Variants in ATRNL1 observed in about 807,000 individuals in gnomAD.
The protein encoded by ATRNL1 is attractin-like protein 1.
Under a neutral mutation model 182.7 loss-of-function variants are expected in ATRNL1, and 95 were observed. The observed-to-expected ratio is 0.52, with a 90% CI of 0.44 to 0.62. The LOEUF (loss-of-function observed/expected upper bound fraction) is 0.62. ATRNL1 is among the 20% of genes least tolerant of loss of function. The pLI is 0.00. For synonymous variants in ATRNL1, 576 were observed against 568.3 expected (o/e 1.01, Z -0.19); for missense variants, 1,471 against 1,679.5 (o/e 0.88, Z 2.17).
At chr10:115,828,710 C>A (rs115353060) in intron 27 of ATRNL1, among the ~76,000 whole-genome samples, 2,463 of 152,096 alleles carry the variant, frequency 0.016, 81 homozygotes, top group African/African-American at 0.057. Context: ...TTTCAGTGGC[C>A]TAGGGGGAGT....
chr10:115,798,689 T>G lies in ATRNL1; in HGVS notation c.3904-49188T>G, dbSNP rs556617958. On this transcript the variant is annotated intron_variant, in intron 27 of 28. Coordinates refer to ENST00000355044, the MANE Select transcript of ATRNL1 (RefSeq NM_207303.4). ...TGAGGGCTAACTTTTCATTCCAATT[T>G]CAACTCCAATGGAGTTCTTCTTGAA... Among the ~76,000 whole-genome samples the G allele has an allele frequency of 2.6e-4, 40 of 152,350 alleles. 3 individuals carry two copies. In the South Asian group the frequency reaches 7.9e-3, roughly 30 times the overall value.
chr10:115,556,374 T>C (rs74158369), intron 26 of ATRNL1, among the ~76,000 whole-genome samples: 12 of 152,304 alleles, frequency 7.9e-5, no homozygotes, highest in African/African-American at 2.4e-4. Context: ...CTACGACTTA[T>C]TCACCTTCAT....
intron 9 of ATRNL1, among the ~76,000 whole-genome samples, chr10:115,225,100 A>G (rs1437679986): frequency 6.6e-6 from 1 of 152,104 alleles, no homozygotes; most frequent in Non-Finnish European, 1.5e-5. Flanking sequence ...TGTCTTTTCC[A>G]TGGACGATTC....
intron 5 of ATRNL1, among the ~76,000 whole-genome samples, chr10:115,137,591 T>A (rs1194163892): frequency 6.6e-6 from 1 of 152,164 alleles, no homozygotes; most frequent in Non-Finnish European, 1.5e-5. Context: ...TAAGAGAGCT[T>A]GTACAGGGAA....
At chr10:115,441,630 AT>A (rs530981147) in intron 21 of ATRNL1, among the ~76,000 whole-genome samples, 87 of 152,042 alleles carry the variant, frequency 5.7e-4, no homozygotes, top group Non-Finnish European at 1.1e-3. Flanking sequence ...CTGCAAACTG[AT>A]TTCTCTGACT....
intron 18 of ATRNL1, among the ~76,000 whole-genome samples, chr10:115,327,506 A>G (rs1554933738): frequency 1.3e-5 from 2 of 149,322 alleles, no homozygotes; most frequent in South Asian, 4.2e-4. Flanking sequence ...AACTAGTTCA[A>G]CCATTGTGGA....
At chr10:115,834,519 C>T (rs371545285) in intron 27 of ATRNL1, among the ~76,000 whole-genome samples, 1 of 152,252 alleles carries the variant, frequency 6.6e-6, no homozygotes, top group South Asian at 2.1e-4. Context: ...TTGCCTGTCT[C>T]TAGGCAAACC....
chr10:115,381,024 A>G (rs1554950928), intron 19 of ATRNL1, among the ~76,000 whole-genome samples: 2 of 151,988 alleles, frequency 1.3e-5, no homozygotes, highest in Non-Finnish European at 2.9e-5. Context: ...GTGTGTTTCT[A>G]TTTCTCCATA....
chr10:115,779,395 G>A (rs1949207736), intron 27 of ATRNL1, among the ~76,000 whole-genome samples: 1 of 152,306 alleles, frequency 6.6e-6, no homozygotes. Context: ...ATTAAAGCTA[G>A]CGGAATGCCT....
At position 115,103,477 on chromosome 10, in the gene ATRNL1, G is replaced by A. The variant is rs114943661; in HGVS notation, c.293+9434G>A. Among the ~76,000 whole-genome samples, 674 of 151,780 alleles carry A rather than the reference G, an allele frequency of 4.4e-3. 8 individuals carry two copies. Among genetic ancestry groups the A allele is most frequent in the African/African-American group, 0.015 (632 of 41,304 alleles). ...AATCTTTCTTTGGTGATATTTCCTC[G>A]CCCATATCTCTTTATTTTTTATTTT... On this transcript the variant is annotated intron_variant, in intron 1 of 28. Coordinates refer to ENST00000355044, the MANE Select transcript of ATRNL1 (RefSeq NM_207303.4).
chr10:115,276,408 A>G (rs1554914848), intron 13 of ATRNL1, among the ~76,000 whole-genome samples: 1 of 152,228 alleles, frequency 6.6e-6, no homozygotes, highest in African/African-American at 2.4e-5. Flanking sequence ...GTAAATTGCT[A>G]TCAAGTATTT....
chr10:115,898,430 C>A (rs565223450), intron 28 of ATRNL1, among the ~76,000 whole-genome samples: 30 of 152,338 alleles, frequency 2.0e-4, no homozygotes, highest in African/African-American at 4.3e-4. Flanking sequence ...CTGCTGCCCC[C>A]ACGTGGGCTG....
At chr10:115,861,618 T>C (rs2960657) in intron 28 of ATRNL1, among the ~76,000 whole-genome samples, 30,689 of 152,170 alleles carry the variant, frequency 0.2, 3,196 homozygotes, top group African/African-American at 0.23. Context: ...AGGCCTGTTG[T>C]CTCAGCCCCA....
intron 24 of ATRNL1, among the ~76,000 whole-genome samples, chr10:115,511,872 A>T (rs547106214): frequency 6.6e-6 from 1 of 151,954 alleles, no homozygotes; most frequent in East Asian, 1.9e-4. Context: ...AATTTTTAGC[A>T]TGTTGTCTTA....
intron 26 of ATRNL1, chr10:115,597,690 G>A (rs1438400612): frequency 2.7e-5 from 12 of 448,488 alleles, no homozygotes; most frequent in Non-Finnish European, 5.3e-5. Flanking sequence ...TCCATTACAG[G>A]CGCCCACTAC....
chr10:115,427,515 A>G (rs988332162), intron 21 of ATRNL1, among the ~76,000 whole-genome samples: 1 of 152,166 alleles, frequency 6.6e-6, no homozygotes, highest in Non-Finnish European at 1.5e-5. Flanking sequence ...CTAACAGGTC[A>G]CTGTGATTTT....
In ATRNL1 at chr10:115,386,444, A is replaced by G. The variant is rs534581456; in HGVS notation, c.3176-8215A>G. Among the ~76,000 whole-genome samples, 14 of 152,210 alleles carry G rather than the reference A, an allele frequency of 9.2e-5. No individual in the cohort carries two copies. The East Asian group carries it at 2.7e-3, about 30-fold the overall frequency. ...CACAGATATTCTGCTTTGCCAATCC[A>G]GTTGAGGGTGTTCAAGCTGCTTACA... On this transcript the variant is annotated intron_variant, in intron 19 of 28. Coordinates refer to ENST00000355044, the MANE Select transcript of ATRNL1 (RefSeq NM_207303.4).
chr10:115,883,598 C>A (rs1042933159), intron 28 of ATRNL1, among the ~76,000 whole-genome samples: 10 of 152,216 alleles, frequency 6.6e-5, no homozygotes, highest in African/African-American at 1.9e-4. Flanking sequence ...ATCCTGTGTG[C>A]ATAAGGTTGA....
At chr10:115,245,494 C>A (rs1208249976) in intron 10 of ATRNL1, among the ~76,000 whole-genome samples, 1 of 84,902 alleles carries the variant, frequency 1.2e-5, no homozygotes, top group African/African-American at 4.9e-5. Context: ...ACCGACACTC[C>A]GTCTCAAAAA....
Sources: gnomAD v4.1 joint callset for allele counts (sites outside exome capture counted in the v4.1 genomes callset) on GRCh38, gnomAD v4.1.1 for gene constraint, MANE v1.5 for transcripts, NCBI Gene and HGNC (gene_info 2026-07-23, HGNC 2026-07-21) for gene names.